The following ANKH variants were observed in gnomAD, a reference collection of about 807,000 sequenced individuals.
ANKH encodes mineralization regulator ANKH.
A neutral mutation model predicts 49.0 loss-of-function variants in ANKH; 15 were observed. The observed-to-expected ratio is 0.31, with a 90% CI of 0.20 to 0.47. ANKH has a LOEUF of 0.47. Among genes scored for constraint, ANKH ranks in the 20% least tolerant of loss-of-function variants. The probability of loss-of-function intolerance (pLI) is 1.00; values close to 1 mark genes in which losing one functional copy is unlikely to be tolerated. For missense variants in ANKH, 429 were observed against 652.0 expected (o/e 0.66, Z 3.72); for synonymous variants, 273 against 260.0 (o/e 1.05, Z -0.48).
intron 2 of ANKH, among the ~76,000 whole-genome samples, chr5:14,759,292 C>T (rs2126496352): frequency 6.6e-6 from 1 of 152,268 alleles, no homozygotes; most frequent in East Asian, 1.9e-4. Context: ...CATAGGCACT[C>T]AGCCAGTACG....
chr5:14,803,584 T>C (rs891216122), intron 1 of ANKH, among the ~76,000 whole-genome samples: 2 of 151,922 alleles, frequency 1.3e-5, no homozygotes, highest in Non-Finnish European at 2.9e-5. Context: ...CCAGCTGCTA[T>C]CTCTTTTTTA....
Position 14,725,873 on chromosome 5 carries a change from G to A in ANKH, c.1012-9038C>T, listed in dbSNP as rs1357995966. ...AGATTCTCCCGCCTCAGCCTCCTGAGTAGCTGGGACTACAGGTACGTGCCA... is the reference window on the plus strand; with the variant it reads ...AGATTCTCCCGCCTCAGCCTCCTGAATAGCTGGGACTACAGGTACGTGCCA... On this transcript the variant is annotated intron_variant, in intron 8 of 11. Transcript: ENST00000284268. The surrounding 1 kb of genome is among the most constrained non-coding windows in gnomAD (Gnocchi z 4.0). Among the ~76,000 whole-genome samples the A allele has an allele frequency of 1.3e-5, 2 of 152,248 alleles. No individual in the cohort carries two copies. The highest frequency in any genetic ancestry group is 2.4e-5 in the African/African-American group (1 of 41,466).
Position 14,741,817 on chromosome 5 carries a change from C to G in ANKH, c.1011+10G>C. On this transcript the variant is annotated intron_variant, in intron 8 of 11. Coordinates refer to ENST00000284268, the MANE Select transcript of ANKH (RefSeq NM_054027.6). Reference sequence around the variant, plus strand: ...CAGAGAGAAGAGGCAGAGAGAGCCTCTGTCCTTACCGTGAGTGACAGAGCC... The same window carrying G: ...CAGAGAGAAGAGGCAGAGAGAGCCTGTGTCCTTACCGTGAGTGACAGAGCC... The G allele has an allele frequency of 1.9e-6, 3 of 1,611,284 alleles. No homozygotes were observed.
chr5:14,851,787 T>C (rs535591771), intron 1 of ANKH, among the ~76,000 whole-genome samples: 10 of 152,370 alleles, frequency 6.6e-5, no homozygotes, highest in African/African-American at 2.4e-4. Context: ...GTATTTTCAC[T>C]TCCCCAAATT....
Position 14,802,323 on chromosome 5 carries a change from A to G in ANKH, c.97-33132T>C, listed in dbSNP as rs1054360240. Among the ~76,000 whole-genome samples the G allele has an allele frequency of 3.3e-5, 5 of 151,772 alleles. No individual in the cohort carries two copies. The East Asian group carries it at 9.8e-4, about 30-fold the overall frequency. ...CTCCCCTATTCCTCCATTTTCAATC[A>G]ATCACCTTGTCCAGTTGATTCTGTC... On this transcript the variant is annotated intron_variant, in intron 1 of 11. Transcript: ENST00000284268.
chr5:14,745,389 G>A lies in ANKH; in HGVS notation c.915+481C>T, dbSNP rs113867789. 9.2e-4 allele frequency among the ~76,000 whole-genome samples: 140 copies of A among 152,244 alleles called. 1 individual carries two copies. The highest frequency in any genetic ancestry group is 3.1e-3 in the African/African-American group (129 of 41,544). ...GTCAACAGGCTTTCCACTGGAATAC[G>A]TCTGCAATATCAAAACACTGGACCC... On this transcript the variant is annotated intron_variant, in intron 7 of 11. Coordinates refer to ENST00000284268, the MANE Select transcript of ANKH (RefSeq NM_054027.6). This position sits in a 1 kb window ranked among gnomAD's most constrained non-coding sequence, Gnocchi z 4.7.
chr5:14,714,911 T>G (rs190646987), intron 9 of ANKH, among the ~76,000 whole-genome samples: 518 of 152,348 alleles, frequency 3.4e-3, no homozygotes, highest in African/African-American at 0.012. Context: ...AGAAATTAAC[T>G]GCATGTGTCT....
At chr5:14,868,239 A>G (rs1735709428) in intron 1 of ANKH, among the ~76,000 whole-genome samples, 1 of 152,164 alleles carries the variant, frequency 6.6e-6, no homozygotes, top group African/African-American at 2.4e-5. Context: ...ATTTCAAAAG[A>G]TCTGTACATG....
At chr5:14,804,984 T>C (rs1380745773) in intron 1 of ANKH, among the ~76,000 whole-genome samples, 1 of 152,202 alleles carries the variant, frequency 6.6e-6, no homozygotes, top group Admixed American at 6.5e-5. Flanking sequence ...CTACCTTTTC[T>C]TGCTGTGACG....
intron 1 of ANKH, among the ~76,000 whole-genome samples, chr5:14,846,768 G>C (rs1741972085): frequency 6.6e-6 from 1 of 152,052 alleles, no homozygotes; most frequent in Non-Finnish European, 1.5e-5. Flanking sequence ...GAGGCGGATG[G>C]ATTACTTGGG....
chr5:14,819,961 C>T (rs887480730), intron 1 of ANKH, among the ~76,000 whole-genome samples: 2 of 151,358 alleles, frequency 1.3e-5, no homozygotes, highest in African/African-American at 4.9e-5. Flanking sequence ...CTCTAACAAC[C>T]TTTGCAACTC....
intron 2 of ANKH, among the ~76,000 whole-genome samples, chr5:14,762,536 G>T (rs1255531567): frequency 1.3e-5 from 2 of 152,136 alleles, no homozygotes; most frequent in Non-Finnish European, 2.9e-5. Context: ...TGGAGGCCAA[G>T]GGAAGAAGCT....
intron 8 of ANKH, among the ~76,000 whole-genome samples, chr5:14,719,557 G>T (rs913201187): frequency 6.6e-6 from 1 of 152,212 alleles, no homozygotes; most frequent in Non-Finnish European, 1.5e-5. Context: ...CTTGAAAAGC[G>T]ATTTACACCA....
At chr5:14,743,008 G>C (rs572218663) in intron 7 of ANKH, among the ~76,000 whole-genome samples, 2 of 152,190 alleles carry the variant, frequency 1.3e-5, no homozygotes, top group Non-Finnish European at 2.9e-5. Flanking sequence ...ATCCAGCCGC[G>C]TGAAACACAC....
intron 1 of ANKH, among the ~76,000 whole-genome samples, chr5:14,836,706 T>C (rs1188829787): frequency 6.6e-6 from 1 of 152,074 alleles, no homozygotes; most frequent in African/African-American, 2.4e-5. Context: ...AGGTAATTTA[T>C]AGATTCAATG....
chr5:14,748,531 C>A lies in ANKH; in HGVS notation c.822+641G>T, dbSNP rs116512222. Among the ~76,000 whole-genome samples, 476 of 152,350 alleles carry A rather than the reference C, an allele frequency of 3.1e-3. 2 individuals are homozygous for A. The highest frequency in any genetic ancestry group is 0.011 in the African/African-American group (449 of 41,568). ...AATGAAGTAATTCTATTTGTTCAAA[C>A]CCAACTTGAAAGAGGGAAAAATGAG... is the stretch of plus-strand genomic sequence containing the variant. On this transcript the variant is annotated intron_variant, in intron 6 of 11. Coordinates refer to ENST00000284268, the MANE Select transcript of ANKH (RefSeq NM_054027.6).
At chr5:14,824,739 T>C (rs537622559) in intron 1 of ANKH, among the ~76,000 whole-genome samples, 2 of 152,242 alleles carry the variant, frequency 1.3e-5, no homozygotes, top group East Asian at 3.9e-4. Context: ...CCCAAGGAGT[T>C]AGCCCTGATA....
At chr5:14,711,367 A>C (rs1353953140) in intron 11 of ANKH, 57 bp from the exon 12 acceptor site, 3 of 1,458,512 alleles carry the variant, frequency 2.1e-6, no homozygotes, top group Admixed American at 3.3e-5. Context: ...TGCACAGCAG[A>C]ACCACGAGCA....
intron 8 of ANKH, among the ~76,000 whole-genome samples, chr5:14,740,018 TA>T (rs1738304889): frequency 6.6e-6 from 1 of 152,148 alleles, no homozygotes; most frequent in Non-Finnish European, 1.5e-5. Context: ...TTTAGAAGTA[TA>T]AATTATTGCC....
Sources: allele counts gnomAD v4.1 joint callset (sites outside exome capture counted in the v4.1 genomes callset), GRCh38; gene constraint gnomAD v4.1.1; non-coding constraint Gnocchi (gnomAD v3.1); transcripts MANE v1.5; gene names NCBI Gene and HGNC (gene_info 2026-07-23, HGNC 2026-07-21).